Variants in LACTB observed in about 807,000 individuals in gnomAD.
The protein encoded by LACTB is serine beta-lactamase-like protein LACTB, mitochondrial.
In LACTB, 35 loss-of-function variants were observed where a neutral mutation model predicts 50.2. The observed-to-expected ratio is 0.70, with a 90% CI of 0.53 to 0.92. LACTB has a LOEUF of 0.92. Among genes scored for constraint, LACTB ranks in the 40% least tolerant of loss-of-function variants. The pLI is 0.00. For missense variants in LACTB, 664 were observed against 691.8 expected (o/e 0.96, Z 0.45); for synonymous variants, 252 against 268.2 (o/e 0.94, Z 0.59).
At chr15:63,130,330 T>C (rs2037114821) in intron 5 of LACTB, 1 of 152,020 alleles carries the variant, frequency 6.6e-6, no homozygotes, top group Non-Finnish European at 1.5e-5. Flanking sequence ...TGTGGTGAAA[T>C]CAACCCTCTC....
At chr15:63,136,571 CTTTA>C (rs1205597166) in intron 5 of LACTB, among the ~76,000 whole-genome samples, 1 of 152,012 alleles carries the variant, frequency 6.6e-6, no homozygotes, top group Non-Finnish European at 1.5e-5. Flanking sequence ...TGTCTGTTTG[CTTTA>C]TTTATTTTAT....
intron 5 of LACTB, among the ~76,000 whole-genome samples, chr15:63,138,969 G>A (rs761038130): frequency 4.0e-5 from 6 of 150,778 alleles, no homozygotes; most frequent in South Asian, 2.1e-4. Context: ...ACTTGAATCC[G>A]GGAGGCAGAG....
intron 1 of LACTB, 93 bp downstream of exon 1, chr15:63,122,321 G>T (rs2036985789): frequency 1.8e-6 from 2 of 1,119,042 alleles, no homozygotes; most frequent in East Asian, 2.6e-5. Flanking sequence ...CCGGGGCGGC[G>T]GGGTGCCCGC....
intron 4 of LACTB, 138 bp downstream of exon 4, chr15:63,127,827 TGTCTGTA>T (rs139713489): frequency 0.014 from 8,447 of 607,706 alleles, 96 homozygotes; most frequent in Non-Finnish European, 0.016. Flanking sequence ...CTTGCGTTTT[TGTCTGTA>T]GTTTCTAACA....
chr15:63,136,862 T>G (rs1223805564), intron 5 of LACTB, among the ~76,000 whole-genome samples: 1 of 152,200 alleles, frequency 6.6e-6, no homozygotes, highest in East Asian at 1.9e-4. Context: ...TAAACCTGTT[T>G]ATAATATCCT....
Position 63,127,264 on chromosome 15 carries a change from A to C in LACTB, c.616-89A>C, listed in dbSNP as rs1056455911. Reference sequence around the variant, plus strand: ...TTTTCCCAGCAGCAGTTCTAAGTGGAAAATATTACTGAGACATTATTCCGA... The same window carrying C: ...TTTTCCCAGCAGCAGTTCTAAGTGGCAAATATTACTGAGACATTATTCCGA... On this transcript the variant is annotated intron_variant, in intron 3 of 5. Transcript: ENST00000261893. 2.7e-5 allele frequency: 31 copies of C among 1,148,494 alleles called. No homozygotes were observed. The Admixed American group carries it at 6.0e-4, about 22-fold the overall frequency. 71.1% of individuals were successfully genotyped at this position (1,148,494 alleles called of 1,614,324 possible). A position where few individuals can be genotyped will look rare whatever the true frequency, so the allele number is the denominator to read the frequency against.
At chr15:63,132,375 G>A (rs2037141983) in intron 5 of LACTB, among the ~76,000 whole-genome samples, 1 of 152,140 alleles carries the variant, frequency 6.6e-6, no homozygotes, top group Non-Finnish European at 1.5e-5. Context: ...TGCTGCAAAG[G>A]ACATGATTTT....
At chr15:63,137,141 A>T (rs1170810876) in intron 5 of LACTB, among the ~76,000 whole-genome samples, 2 of 152,180 alleles carry the variant, frequency 1.3e-5, no homozygotes, top group Non-Finnish European at 2.9e-5. Context: ...GGATTTTCTT[A>T]AATGGAACAG....
intron 4 of LACTB, among the ~76,000 whole-genome samples, chr15:63,129,049 T>G (rs2037094854): frequency 6.6e-6 from 1 of 152,226 alleles, no homozygotes; most frequent in Non-Finnish European, 1.5e-5. Flanking sequence ...ACCCATATAT[T>G]TTATTAAAAT....
rs372412527 is a variant in LACTB, at chr15:63,122,627, C to T, written c.358-9C>T. The T allele has an allele frequency of 4.3e-6, 7 of 1,609,842 alleles. No homozygotes were observed. The African/African-American group carries it at 5.3e-5, about 12-fold the overall frequency. On this transcript the variant is annotated splice_polypyrimidine_tract_variant and intron_variant, in intron 1 of 5. Transcript: ENST00000261893. ...CCGTAACTGTCGGTTCTTTCCCCTT[C>T]GGTCTTAGGATGAGGTGGGCGCACC...
chr15:63,140,370 G>T (rs1434423274), intron 5 of LACTB, among the ~76,000 whole-genome samples: 1 of 152,162 alleles, frequency 6.6e-6, no homozygotes, highest in Non-Finnish European at 1.5e-5. Flanking sequence ...GTTGTATAAT[G>T]AAGGTTTTAA....
chr15:63,125,361 A>ATTCT (rs747014832), intron 2 of LACTB, among the ~76,000 whole-genome samples: 287 of 151,426 alleles, frequency 1.9e-3, no homozygotes, highest in Middle Eastern at 3.4e-3. Flanking sequence ...AGAGACGGGG[A>ATTCT]TTCTCCATGT....
chr15:63,135,579 G>A (rs1046406703), intron 5 of LACTB, among the ~76,000 whole-genome samples: 2 of 152,140 alleles, frequency 1.3e-5, no homozygotes, highest in African/African-American at 4.8e-5. Flanking sequence ...AATCAGCCGG[G>A]CATGGTGGCA....
rs372475477 is a variant in LACTB, at chr15:63,141,671, G to A, written c.1510G>A (p.Asp504Asn). 1.1e-4 allele frequency: 178 copies of A among 1,614,054 alleles called. No individual in the cohort carries two copies. Among genetic ancestry groups the A allele is most frequent in the Non-Finnish European group, 1.4e-4 (169 of 1,180,040 alleles). Residue 504 changes from aspartate to asparagine, a missense_variant, in exon 6 of 6, where the codon GAT becomes AAT. By Grantham distance (23) the Asp-to-Asn change is conservative. Transcript: ENST00000261893. The stretch of plus-strand genomic sequence containing the variant: ...CCTGCTGGTCCTTCCTGAAGAACTG[G>A]ATACAGAGACTATAAATAACAAGGT... ...SVLLVLPEEL[D>N]TETINNKVPP...
Position 63,122,090 on chromosome 15 carries a change from C to A in LACTB, c.219C>A (p.Asp73Glu). The change falls in exon 1 of 6, where the codon GAC (aspartate) becomes GAA (glutamate). Residue 73 changes from aspartate (D) to glutamate (E), a missense_variant. By Grantham distance (45) the Asp-to-Glu change is conservative. Coordinates refer to ENST00000261893, the MANE Select transcript of LACTB (RefSeq NM_032857.5). Reference sequence around the variant, plus strand: ...CGGCGCAGTCCCCCGCGGCCCCCGACCCTGAGGCGTCGCCTCTGGCCGAGC... The same window carrying A: ...CGGCGCAGTCCCCCGCGGCCCCCGAACCTGAGGCGTCGCCTCTGGCCGAGC... ...AAPAQSPAAP[D>E]PEASPLAEPP... 1.4e-6 allele frequency: 2 copies of A among 1,469,996 alleles called. No individual in the cohort carries two copies. Among genetic ancestry groups the A allele is most frequent in the Non-Finnish European group, 1.8e-6 (2 of 1,119,012 alleles). The allele number at this position is 1,469,996 out of a possible 1,614,324, so 91.1% of individuals were successfully genotyped here.
chr15:63,134,597 C>T (rs1280061244), intron 5 of LACTB, among the ~76,000 whole-genome samples: 1 of 152,230 alleles, frequency 6.6e-6, no homozygotes, highest in African/African-American at 2.4e-5. Context: ...CACTTCATTT[C>T]TGTCCACCTT....
intron 5 of LACTB, among the ~76,000 whole-genome samples, chr15:63,135,983 G>T (rs2037172066): frequency 6.6e-6 from 1 of 151,440 alleles, no homozygotes; most frequent in Admixed American, 6.6e-5. Context: ...TAATTAACTT[G>T]TGACTTGCGC....
chr15:63,142,030 T>G lies in LACTB; in HGVS notation c.*225T>G. 1 of 453,202 alleles carries G rather than the reference T, an allele frequency of 2.2e-6. No individual in the cohort carries two copies. Among genetic ancestry groups the G allele is most frequent in the Non-Finnish European group, 3.9e-6 (1 of 255,580 alleles). The allele number at this position is 453,202 out of a possible 1,614,324, so 28.1% of individuals were successfully genotyped here. A position where few individuals can be genotyped will look rare whatever the true frequency, so the allele number is the denominator to read the frequency against. On this transcript the variant is annotated 3_prime_UTR_variant, in exon 6 of 6. Coordinates refer to ENST00000261893, the MANE Select transcript of LACTB (RefSeq NM_032857.5). ...TGTTTTTACTTTTTGAAAAAAGTGT[T>G]AACTCTTGAAATAAAATATTCTGAT...
At chr15:63,131,019 G>A (rs1221500853) in intron 5 of LACTB, 1 of 152,254 alleles carries the variant, frequency 6.6e-6, no homozygotes, top group Non-Finnish European at 1.5e-5. Flanking sequence ...GCGGGCCGGG[G>A]CGGTGGCTCA....
Sources: gnomAD v4.1 joint callset for allele counts (sites outside exome capture counted in the v4.1 genomes callset) on GRCh38, gnomAD v4.1.1 for gene constraint, MANE v1.5 for transcripts, NCBI Gene and HGNC (gene_info 2026-07-23, HGNC 2026-07-21) for gene names.